The following SUN2 variants were observed in gnomAD, a reference collection of about 807,000 sequenced individuals.
SUN2 encodes Sad1 and UNC84 domain containing 2.
In SUN2, 60 loss-of-function variants were observed where a neutral mutation model predicts 100.0. That is an observed-to-expected ratio of 0.60 (90% CI 0.49 to 0.74). The LOEUF (loss-of-function observed/expected upper bound fraction) is 0.74. Among genes scored for constraint, SUN2 ranks in the 30% least tolerant of loss-of-function variants. The pLI, the probability that SUN2 is intolerant of heterozygous loss-of-function variation, is 0.00. For synonymous variants in SUN2, 367 were observed against 403.3 expected, an observed-to-expected ratio of 0.91 and a Z score of 1.08; for missense variants, 834 against 954.6, an observed-to-expected ratio of 0.87 and a Z score of 1.66.
At chr22:38,741,132 G>A (rs1003376093) in intron 10 of SUN2, 82 bp from the exon 11 acceptor site, 38 of 1,482,570 alleles carry the variant, frequency 2.6e-5, no homozygotes, top group African/African-American at 4.2e-5. Flanking sequence ...GTCTGTTAGC[G>A]TCTTTGCTTA....
intron 7 of SUN2, among the ~76,000 whole-genome samples, chr22:38,747,356 A>C (rs919308378): frequency 4.0e-5 from 6 of 151,734 alleles, no homozygotes; most frequent in East Asian, 1.9e-4. Flanking sequence ...AAAGAAGAAG[A>C]ATCATTATTA....
chr22:38,753,210 CTTTTT>C (rs869037443), intron 1 of SUN2, among the ~76,000 whole-genome samples: 1 of 86,262 alleles, frequency 1.2e-5, no homozygotes, highest in African/African-American at 5.1e-5. Context: ...CACCTATGTT[CTTTTT>C]TTTTTTTTTT....
At position 38,755,730 on chromosome 22, in the gene SUN2, C is replaced by T; in HGVS notation, c.-38+33G>A. 1.0e-6 allele frequency: 1 copy of T among 985,132 alleles called. No homozygotes were observed. Among genetic ancestry groups the T allele is most frequent in the Non-Finnish European group, 1.2e-6 (1 of 829,836 alleles). 61.0% of individuals were successfully genotyped at this position (985,132 alleles called of 1,614,324 possible). The stretch of plus-strand genomic sequence containing the variant: ...CCCGGGGTCAGGCCGGGCCGCGGCC[C>T]CCCAACCCTCTCCTGAGCTCGCCCG... On this transcript the variant is annotated intron_variant, in intron 1 of 17. Coordinates refer to ENST00000689035, the MANE Select transcript of SUN2 (RefSeq NM_015374.3). This position sits in a 1 kb window ranked among gnomAD's most constrained non-coding sequence, Gnocchi z 5.7.
rs188689566 is a variant in SUN2 at position 38,751,867 on chromosome 22, G to A, written c.123-494C>T. Reference sequence around the variant, plus strand: ...GAAGGATGGTAAGGCTGACACGCCCGTCCAGAGCAGGGGGGGTTCCTGTGA... The same window carrying A: ...GAAGGATGGTAAGGCTGACACGCCCATCCAGAGCAGGGGGGGTTCCTGTGA... On this transcript the variant is annotated intron_variant, in intron 2 of 17. Transcript: ENST00000689035. Among the ~76,000 whole-genome samples the A allele has an allele frequency of 1.2e-4, 18 of 152,352 alleles. No homozygotes were observed. The East Asian group carries it at 1.7e-3, about 15-fold the overall frequency.
At chr22:38,744,432 T>G (rs1457712992) in intron 8 of SUN2, among the ~76,000 whole-genome samples, 1 of 151,550 alleles carries the variant, frequency 6.6e-6, no homozygotes, top group Admixed American at 6.6e-5. Context: ...TTTTTAAAAA[T>G]TTGACAGACA....
rs372431889 is a variant in SUN2 at position 38,739,465 on chromosome 22, C to T, written c.1579-39G>A. 3.4e-4 allele frequency: 548 copies of T among 1,605,204 alleles called. 2 individuals carry two copies. Among genetic ancestry groups the T allele is most frequent in the Non-Finnish European group, 4.0e-4 (469 of 1,173,994 alleles). On this transcript the variant is annotated intron_variant, in intron 13 of 17. Transcript: ENST00000689035. The surrounding 1 kb of genome is among the most constrained non-coding windows in gnomAD (Gnocchi z 6.7). ...ACCAGGAGACGGTTGCAGCAGGGAG[C>T]AGACGTGTCCCCCTGTCACCTCGTG...
At chr22:38,751,591 G>A in intron 2 of SUN2, 1 of 575,298 alleles carries the variant, frequency 1.7e-6, no homozygotes, top group Non-Finnish European at 3.0e-6. Context: ...ACGGGCAGCG[G>A]CAGCTAGGGA....
Position 38,738,384 on chromosome 22 carries a change from A to G in SUN2, c.1948-119T>C, listed in dbSNP as rs2092825654. 2.2e-5 allele frequency: 24 copies of G among 1,105,092 alleles called. No homozygotes were observed. The highest frequency in any genetic ancestry group is 3.1e-5 in the Non-Finnish European group (24 of 763,124). The allele number at this position is 1,105,092 out of a possible 1,614,324, so 68.5% of individuals were successfully genotyped here. On this transcript the variant is annotated intron_variant, in intron 16 of 17. Coordinates refer to ENST00000689035, the MANE Select transcript of SUN2 (RefSeq NM_015374.3). The surrounding 1 kb of genome is among the most constrained non-coding windows in gnomAD (Gnocchi z 6.6). ...GCACCAGAGTGGCCTATGACAAGTC[A>G]CTTCACTCTCTTGTGCCACAGTTTC...
chr22:38,740,067 G>A lies in SUN2; in HGVS notation c.1357-124C>T. Reference sequence around the variant, plus strand: ...AGGAGGGAGGCCACTGGAGGAAAGAGTTATGAACACTCCATGGGCACTAAC... The same window carrying A: ...AGGAGGGAGGCCACTGGAGGAAAGAATTATGAACACTCCATGGGCACTAAC... On this transcript the variant is annotated intron_variant, in intron 12 of 17. Transcript: ENST00000689035. This position sits in a 1 kb window ranked among gnomAD's most constrained non-coding sequence, Gnocchi z 4.8. 2.4e-6 allele frequency: 3 copies of A among 1,266,438 alleles called. No individual in the cohort carries two copies. Among genetic ancestry groups the A allele is most frequent in the Non-Finnish European group, 2.2e-6 (2 of 922,216 alleles). 78.5% of individuals were successfully genotyped at this position (1,266,438 alleles called of 1,614,324 possible). A position where few individuals can be genotyped will look rare whatever the true frequency, so the allele number is the denominator to read the frequency against.
Position 38,736,161 on chromosome 22 carries a change from C to T in SUN2, c.*106G>A. 1.8e-6 allele frequency: 2 copies of T among 1,107,038 alleles called. No individual in the cohort carries two copies. The highest frequency in any genetic ancestry group is 2.7e-6 in the Non-Finnish European group (2 of 729,076). The allele number at this position is 1,107,038 out of a possible 1,614,324, so 68.6% of individuals were successfully genotyped here. Reference sequence around the variant, plus strand: ...CATCTGCATGGGGCCACAGGCTCCTCTCTTGTGCTCCTAGAAGTCAGAGCG... The same window carrying T: ...CATCTGCATGGGGCCACAGGCTCCTTTCTTGTGCTCCTAGAAGTCAGAGCG... On this transcript the variant is annotated 3_prime_UTR_variant, in exon 18 of 18. Transcript: ENST00000689035.
At chr22:38,750,505 C>G in intron 4 of SUN2, 185 bp from the exon 5 acceptor site, 1 of 1,308,422 alleles carries the variant, frequency 7.6e-7, no homozygotes. Flanking sequence ...TGACAGCTTC[C>G]TGTTTGCATC....
chr22:38,738,734 G>A lies in SUN2; in HGVS notation c.1800C>T (p.Asn600=). The part of the protein sequence containing the change: ...VILQPDVHPG[N]CWAFQGPQGF... ...CTTGTGGCCCCTGGAAGGCCCAGCA[G>A]TTGCCTGGGTGCACATCTGGCTGGA... The change falls in exon 16 of 18, where the codon AAC becomes AAT. Residue 600 remains asparagine (N), a synonymous_variant. Coordinates refer to ENST00000689035, the MANE Select transcript of SUN2 (RefSeq NM_015374.3). This position sits in a 1 kb window ranked among gnomAD's most constrained non-coding sequence, Gnocchi z 6.6. 6.2e-7 allele frequency: 1 copy of A among 1,613,576 alleles called. No homozygotes were observed. The highest frequency in any genetic ancestry group is 8.5e-7 in the Non-Finnish European group (1 of 1,179,970).
intron 7 of SUN2, 52 bp downstream of exon 7, chr22:38,748,661 C>T: frequency 1.2e-6 from 2 of 1,600,570 alleles, no homozygotes; most frequent in Non-Finnish European, 8.6e-7. Context: ...GGTCACCACC[C>T]TCTGGTGAAC....
intron 7 of SUN2, among the ~76,000 whole-genome samples, chr22:38,747,227 G>A (rs1227963897): frequency 1.3e-5 from 2 of 151,860 alleles, no homozygotes; most frequent in Admixed American, 1.3e-4. Flanking sequence ...AGCTACTCGG[G>A]AGGCTGAGGC....
intron 2 of SUN2, among the ~76,000 whole-genome samples, chr22:38,751,642 A>T (rs1296659667): frequency 2.0e-5 from 3 of 152,240 alleles, no homozygotes; most frequent in Non-Finnish European, 4.4e-5. Context: ...GAAACCAGAC[A>T]GACCTGACCT....
In SUN2 at chr22:38,750,900, A is replaced by G. The variant is rs767960764; in HGVS notation, c.422T>C (p.Val141Ala). 8 of 1,613,928 alleles carry G rather than the reference A, an allele frequency of 5.0e-6. No homozygotes were observed. The South Asian group carries it at 8.8e-5, about 18-fold the overall frequency. Reference protein sequence around the residue: ...SSGYSSEDDYVGYSDVDQQSS... With the variant: ...SSGYSSEDDYAGYSDVDQQSS... ...AGGAGGGAGGAAGCATCGCCTACCCACGTAGTCGTCCTCAGAGGAGTAGCC... is the reference window on the plus strand; with the variant it reads ...AGGAGGGAGGAAGCATCGCCTACCCGCGTAGTCGTCCTCAGAGGAGTAGCC... The change falls in exon 4 of 18, where the codon GTG (valine) becomes GCG (alanine). Residue 141 changes from valine to alanine, a missense_variant and splice_region_variant. Coordinates refer to ENST00000689035, the MANE Select transcript of SUN2 (RefSeq NM_015374.3).
rs1464432500 is a variant in SUN2 at position 38,736,163 on chromosome 22, CTT to C, written c.*102_*103del. On this transcript the variant is annotated 3_prime_UTR_variant, in exon 18 of 18. Coordinates refer to ENST00000689035, the MANE Select transcript of SUN2 (RefSeq NM_015374.3). ...TCTGCATGGGGCCACAGGCTCCTCT[CTT>C]GTGCTCCTAGAAGTCAGAGCGCCGA... 8.9e-6 allele frequency: 10 copies of C among 1,123,792 alleles called. No individual in the cohort carries two copies. The highest frequency in any genetic ancestry group is 2.0e-4 in the Middle Eastern group (1 of 5,096). 69.6% of individuals were successfully genotyped at this position (1,123,792 alleles called of 1,614,324 possible). A position where few individuals can be genotyped will look rare whatever the true frequency, so the allele number is the denominator to read the frequency against.
chr22:38,738,856 G>T lies in SUN2; in HGVS notation c.1779+17C>A, dbSNP rs749003532. 7.5e-6 allele frequency: 12 copies of T among 1,598,534 alleles called. No homozygotes were observed. Among genetic ancestry groups the T allele is most frequent in the Non-Finnish European group, 1.0e-5 (12 of 1,169,858 alleles). On this transcript the variant is annotated intron_variant, in intron 15 of 17. Transcript: ENST00000689035. This position sits in a 1 kb window ranked among gnomAD's most constrained non-coding sequence, Gnocchi z 6.6. ...GTGTGCTCAGAGCCCCCGCTGCTGTGCTTGCCAGGTGCCCACCTGGAGGAT... is the reference window on the plus strand; with the variant it reads ...GTGTGCTCAGAGCCCCCGCTGCTGTTCTTGCCAGGTGCCCACCTGGAGGAT...
chr22:38,737,059 C>G lies in SUN2; in HGVS notation c.2041-679G>C, dbSNP rs1477697013. On this transcript the variant is annotated intron_variant, in intron 17 of 17. Transcript: ENST00000689035. This position sits in a 1 kb window ranked among gnomAD's most constrained non-coding sequence, Gnocchi z 4.1. ...TCGGGATCTCGCTGTGTTCACCAGCCTGGTCTTGAACTCCTGGGCTCAAGC... is the reference window on the plus strand; with the variant it reads ...TCGGGATCTCGCTGTGTTCACCAGCGTGGTCTTGAACTCCTGGGCTCAAGC... Among the ~76,000 whole-genome samples, 1 of 152,180 alleles carries G rather than the reference C, an allele frequency of 6.6e-6. No individual in the cohort carries two copies. The highest frequency in any genetic ancestry group is 1.5e-5 in the Non-Finnish European group (1 of 68,030).
Sources: gnomAD v4.1 joint callset for allele counts (sites outside exome capture counted in the v4.1 genomes callset) on GRCh38, gnomAD v4.1.1 for gene constraint, Gnocchi (gnomAD v3.1) non-coding constraint, MANE v1.5 for transcripts, NCBI Gene and HGNC (gene_info 2026-07-23, HGNC 2026-07-21) for gene names.